Variants in DLGAP1 observed in about 807,000 individuals in gnomAD.
The protein encoded by DLGAP1 is DLG associated protein 1.
In DLGAP1, 11 loss-of-function variants were observed where a neutral mutation model predicts 90.8. That is an observed-to-expected ratio of 0.12 (90% CI 0.08 to 0.20). The LOEUF (loss-of-function observed/expected upper bound fraction) is 0.20, where lower values mean the gene tolerates loss of function less well. Ranked by LOEUF, DLGAP1 falls within the 10% of genes least tolerant of loss-of-function variation. The pLI is 1.00. For synonymous variants in DLGAP1, 558 were observed against 540.7 expected (o/e 1.03, Z -0.44); for missense variants, 1,050 against 1,333.8 (o/e 0.79, Z 3.31).
At chr18:4,034,037 CT>C (rs1212913784) in intron 2 of DLGAP1, among the ~76,000 whole-genome samples, 1,600 of 111,198 alleles carry the variant, frequency 0.014, 38 homozygotes, top group African/African-American at 0.043. Flanking sequence ...GCGCCCGGCC[CT>C]TTTTTTTTTT....
At chr18:4,010,123 A>G (rs894671649) in intron 2 of DLGAP1, among the ~76,000 whole-genome samples, 1 of 152,206 alleles carries the variant, frequency 6.6e-6, no homozygotes, top group African/African-American at 2.4e-5. Flanking sequence ...ATTTCTCTAA[A>G]TATTCCATTG....
chr18:3,615,507 C>T lies in DLGAP1; in HGVS notation c.1592-33259G>A, dbSNP rs574854862. On this transcript the variant is annotated intron_variant, in intron 7 of 12. Transcript: ENST00000315677. ...GTTGCTGGAGGATTGGCCTTGGACA[C>T]GCCCAGGTGAGGAGAGAAAACACCC... 5.3e-5 allele frequency among the ~76,000 whole-genome samples: 8 copies of T among 152,198 alleles called. No individual in the cohort carries two copies. The South Asian group carries it at 8.3e-4, about 16-fold the overall frequency.
At chr18:4,020,152 A>T (rs149119956) in intron 2 of DLGAP1, among the ~76,000 whole-genome samples, 1 of 152,202 alleles carries the variant, frequency 6.6e-6, no homozygotes, top group African/African-American at 2.4e-5. Flanking sequence ...TAGACTGTAA[A>T]TGTTTCTCAC....
intron 8 of DLGAP1, among the ~76,000 whole-genome samples, chr18:3,569,349 T>C (rs1220603265): frequency 2.0e-5 from 3 of 152,002 alleles, no homozygotes; most frequent in African/African-American, 7.2e-5. Flanking sequence ...TGTCTGTTCA[T>C]ATCCTTTACT....
intron 1 of DLGAP1, among the ~76,000 whole-genome samples, chr18:4,343,764 G>A (rs141724102): frequency 0.2 from 29,892 of 151,844 alleles, 3,469 homozygotes; most frequent in South Asian, 0.38. Flanking sequence ...AAACCTGCAC[G>A]TTCTGCACAT....
At chr18:3,580,203 A>G (rs1248824213) in intron 8 of DLGAP1, 2 of 1,561,674 alleles carry the variant, frequency 1.3e-6, no homozygotes, top group Non-Finnish European at 1.8e-6. Flanking sequence ...TCCAAAGTCA[A>G]ACCTCCGGGT....
chr18:3,777,006 C>T (rs1193825654), intron 5 of DLGAP1, among the ~76,000 whole-genome samples: 3 of 127,714 alleles, frequency 2.3e-5, no homozygotes, highest in African/African-American at 1.0e-4. Flanking sequence ...TTGCCCAGGT[C>T]AGTCTCAAAC....
At chr18:3,954,027 T>C (rs956255934) in intron 3 of DLGAP1, among the ~76,000 whole-genome samples, 2 of 152,236 alleles carry the variant, frequency 1.3e-5, no homozygotes, top group Non-Finnish European at 2.9e-5. Flanking sequence ...ATTACTGTTA[T>C]AAGGAATATT....
At chr18:4,039,527 A>C (rs952342959) in intron 2 of DLGAP1, among the ~76,000 whole-genome samples, 3 of 152,230 alleles carry the variant, frequency 2.0e-5, no homozygotes, top group African/African-American at 7.2e-5. Context: ...TGTGAAGCAA[A>C]ATATAAAAAA....
chr18:3,821,967 G>A (rs1313318213), intron 4 of DLGAP1: 5 of 983,536 alleles, frequency 5.1e-6, no homozygotes, highest in South Asian at 4.7e-5. Context: ...TGACAAATGC[G>A]ACTTGGCTTA....
chr18:4,067,882 A>G (rs975439648), intron 2 of DLGAP1, among the ~76,000 whole-genome samples: 41 of 152,082 alleles, frequency 2.7e-4, no homozygotes, highest in African/African-American at 9.9e-4. Context: ...TTACTACAAC[A>G]TATAAAACCA....
intron 1 of DLGAP1, among the ~76,000 whole-genome samples, chr18:4,202,781 G>A (rs1371931473): frequency 5.9e-5 from 9 of 152,144 alleles, no homozygotes; most frequent in Admixed American, 5.9e-4. Context: ...GCAGAAGGAA[G>A]ACAGGAGTGG....
intron 10 of DLGAP1, among the ~76,000 whole-genome samples, chr18:3,528,493 C>T (rs1342634968): frequency 6.6e-6 from 1 of 152,186 alleles, no homozygotes; most frequent in Non-Finnish European, 1.5e-5. Context: ...TGCCAGGCAA[C>T]GCAAAGTATC....
intron 3 of DLGAP1, among the ~76,000 whole-genome samples, chr18:4,004,139 A>G (rs2074253100): frequency 6.6e-6 from 1 of 152,176 alleles, no homozygotes; most frequent in South Asian, 2.1e-4. Context: ...TGTCGTTTTG[A>G]CTTCAGAGAA....
intron 1 of DLGAP1, among the ~76,000 whole-genome samples, chr18:4,298,157 G>A (rs765939373): frequency 1.3e-5 from 2 of 152,104 alleles, no homozygotes; most frequent in Admixed American, 1.3e-4. Flanking sequence ...GCATACCCAA[G>A]TCCCGCAGTC....
chr18:3,577,002 A>G (rs2055193446), intron 8 of DLGAP1, among the ~76,000 whole-genome samples: 1 of 152,024 alleles, frequency 6.6e-6, no homozygotes, highest in Admixed American at 6.6e-5. Flanking sequence ...AGGTGAGATT[A>G]CAGGCATGCA....
intron 7 of DLGAP1, among the ~76,000 whole-genome samples, chr18:3,668,185 T>G (rs1480703354): frequency 6.6e-6 from 1 of 152,216 alleles, no homozygotes; most frequent in Non-Finnish European, 1.5e-5. Flanking sequence ...AAGTGCCCCC[T>G]TGAGGCATAT....
intron 7 of DLGAP1, among the ~76,000 whole-genome samples, chr18:3,722,940 G>A (rs1038940189): frequency 9.9e-5 from 15 of 152,152 alleles, no homozygotes; most frequent in Non-Finnish European, 1.8e-4. Context: ...GCCGGGCACC[G>A]AAGGAACAAA....
At position 3,496,190 on chromosome 18, in the gene DLGAP1, G is replaced by C. The variant is rs1380119085; in HGVS notation, c.*2995C>G. ...AATGTTCCCACCCCTCCATCTGAAGGCTTTCAAATGAATCTTTTTTTTCCA... is the reference window on the plus strand; with the variant it reads ...AATGTTCCCACCCCTCCATCTGAAGCCTTTCAAATGAATCTTTTTTTTCCA... On this transcript the variant is annotated 3_prime_UTR_variant, in exon 13 of 13. Coordinates refer to ENST00000315677, the MANE Select transcript of DLGAP1 (RefSeq NM_004746.4). 2 of 151,960 alleles carry C rather than the reference G, an allele frequency of 1.3e-5. No homozygotes were observed. Among genetic ancestry groups the C allele is most frequent in the Non-Finnish European group, 2.9e-5 (2 of 68,012 alleles). 9.4% of individuals were successfully genotyped at this position (151,960 alleles called of 1,614,324 possible).
Sources: allele counts gnomAD v4.1 joint callset (sites outside exome capture counted in the v4.1 genomes callset), GRCh38; gene constraint gnomAD v4.1.1; transcripts MANE v1.5; gene names NCBI Gene and HGNC (gene_info 2026-07-23, HGNC 2026-07-21).